The following ATRNL1 variants were observed in gnomAD, a reference collection of about 807,000 sequenced individuals.
ATRNL1 encodes the protein attractin-like protein 1.
A neutral mutation model predicts 182.7 loss-of-function variants in ATRNL1; 95 were observed. The ratio of observed to expected loss-of-function variants is 0.52; its 90% CI spans 0.44 to 0.62. The LOEUF (loss-of-function observed/expected upper bound fraction) is 0.62, where lower values mean the gene tolerates loss of function less well. Among genes scored for constraint, ATRNL1 ranks in the 20% least tolerant of loss-of-function variants. The probability of loss-of-function intolerance (pLI) is 0.00; values close to 1 mark genes in which losing one functional copy is unlikely to be tolerated. For missense variants in ATRNL1, 1,471 were observed against 1,679.5 expected (o/e 0.88, Z 2.17); for synonymous variants, 576 against 568.3 (o/e 1.01, Z -0.19).
At chr10:115,211,526 T>C (rs1849022626) in intron 8 of ATRNL1, among the ~76,000 whole-genome samples, 1 of 152,030 alleles carries the variant, frequency 6.6e-6, no homozygotes, top group South Asian at 2.1e-4. Context: ...TGGATATCTT[T>C]GGGTTTAACC....
At chr10:115,380,276 A>G (rs1165215128) in intron 19 of ATRNL1, among the ~76,000 whole-genome samples, 2 of 152,234 alleles carry the variant, frequency 1.3e-5, no homozygotes, top group Non-Finnish European at 2.9e-5. Flanking sequence ...GGTAATAATC[A>G]TAAGCAATTA....
chr10:115,850,208 A>G (rs1310897266), intron 28 of ATRNL1, among the ~76,000 whole-genome samples: 1 of 152,168 alleles, frequency 6.6e-6, no homozygotes, highest in Non-Finnish European at 1.5e-5. Flanking sequence ...TAATGGTAGG[A>G]TCTAGGTGCT....
At chr10:115,351,277 AC>A (rs1461170304) in intron 19 of ATRNL1, among the ~76,000 whole-genome samples, 1 of 152,120 alleles carries the variant, frequency 6.6e-6, no homozygotes, top group Non-Finnish European at 1.5e-5. Context: ...GACTTCCAGT[AC>A]TATGTCTAAT....
chr10:115,865,935 G>A (rs1481444214), intron 28 of ATRNL1, among the ~76,000 whole-genome samples: 1 of 151,962 alleles, frequency 6.6e-6, no homozygotes, highest in African/African-American at 2.4e-5. Context: ...CATGAGAATT[G>A]CCTTGTTTTT....
chr10:115,827,578 A>G (rs1950465101), intron 27 of ATRNL1, among the ~76,000 whole-genome samples: 1 of 152,202 alleles, frequency 6.6e-6, no homozygotes, highest in African/African-American at 2.4e-5. Context: ...TGAACACATT[A>G]CATAATGTGG....
intron 19 of ATRNL1, among the ~76,000 whole-genome samples, chr10:115,360,623 G>A (rs775455604): frequency 6.7e-6 from 1 of 150,356 alleles, no homozygotes; most frequent in Non-Finnish European, 1.5e-5. Flanking sequence ...CCGATTATTA[G>A]TTGTGTTCAT....
chr10:115,183,283 G>A (rs1314613423), intron 8 of ATRNL1, among the ~76,000 whole-genome samples: 4 of 151,242 alleles, frequency 2.6e-5, no homozygotes, highest in Non-Finnish European at 5.9e-5. Flanking sequence ...GAAAATAAAT[G>A]CACCACATTC....
intron 8 of ATRNL1, among the ~76,000 whole-genome samples, chr10:115,181,773 TTAA>T (rs1425599874): frequency 1.3e-5 from 2 of 151,748 alleles, no homozygotes; most frequent in African/African-American, 4.8e-5. Flanking sequence ...TTTATTACCT[TTAA>T]AGAAGGCATA....
At chr10:115,533,010 G>A (rs1189076661) in intron 25 of ATRNL1, among the ~76,000 whole-genome samples, 4 of 151,934 alleles carry the variant, frequency 2.6e-5, no homozygotes, top group Admixed American at 6.6e-5. Context: ...GCTGGATTCG[G>A]TTTGCCAGTA....
At chr10:115,885,640 C>CT (rs1951926732) in intron 28 of ATRNL1, among the ~76,000 whole-genome samples, 1 of 152,156 alleles carries the variant, frequency 6.6e-6, no homozygotes, top group African/African-American at 2.4e-5. Flanking sequence ...TCAATGTTAA[C>CT]TTTTTTCCGT....
chr10:115,775,174 AC>A (rs1392570727), intron 27 of ATRNL1, among the ~76,000 whole-genome samples: 1 of 152,140 alleles, frequency 6.6e-6, no homozygotes, highest in African/African-American at 2.4e-5. Flanking sequence ...TGAAATGTTT[AC>A]CCCCGAATGA....
chr10:115,208,557 T>C (rs1469233604), intron 8 of ATRNL1, among the ~76,000 whole-genome samples: 3 of 152,042 alleles, frequency 2.0e-5, no homozygotes, highest in African/African-American at 4.8e-5. Context: ...CAACTTTCAG[T>C]TTATTGCTCA....
chr10:115,523,680 C>G (rs1219875295), intron 25 of ATRNL1, among the ~76,000 whole-genome samples: 2 of 152,180 alleles, frequency 1.3e-5, no homozygotes, highest in African/African-American at 4.8e-5. Context: ...GTGATTTCCT[C>G]ATTTCAGTCT....
At chr10:115,656,493 T>C (rs535094141) in intron 26 of ATRNL1, among the ~76,000 whole-genome samples, 1 of 152,254 alleles carries the variant, frequency 6.6e-6, no homozygotes, top group East Asian at 1.9e-4. Context: ...TGAGTAAGTA[T>C]GGGTGTGTGT....
intron 21 of ATRNL1, among the ~76,000 whole-genome samples, chr10:115,432,618 G>T (rs1392237813): frequency 6.6e-6 from 1 of 152,080 alleles, no homozygotes; most frequent in Admixed American, 6.5e-5. Flanking sequence ...GTCAGCAGTT[G>T]TAATCTATTT....
chr10:115,617,360 T>A (rs564007739), intron 26 of ATRNL1, among the ~76,000 whole-genome samples: 1 of 114,976 alleles, frequency 8.7e-6, no homozygotes, highest in South Asian at 3.6e-4. Context: ...TTGGTTTTTT[T>A]TTGTTTTTTG....
Position 115,093,998 on chromosome 10 carries a change from C to T in ATRNL1, c.248C>T (p.Pro83Leu), listed in dbSNP as rs371156017. The T allele has an allele frequency of 7.0e-6, 11 of 1,580,388 alleles. No individual in the cohort carries two copies. In the East Asian group the frequency reaches 9.6e-5, roughly 14 times the overall value. The change falls in exon 1 of 29, where the codon CCG (proline) becomes CTG (leucine). Residue 83 changes from proline (P) to leucine (L), a missense_variant. Pro to Leu is a moderately conservative substitution (Grantham distance 98, BLOSUM62 -3). This residue lies in a region of ATRNL1 where 1,031 missense variants were observed against 1,156.0 expected (regional missense o/e 0.89). Coordinates refer to ENST00000355044, the MANE Select transcript of ATRNL1 (RefSeq NM_207303.4). The surrounding 1 kb of genome is among the most constrained non-coding windows in gnomAD (Gnocchi z 6.1). ...GTCAACTCCACCTGCCTCTGCGACCCGGGCTGGGTGGGGGACCAGTGCCAG... is the reference window on the plus strand; with the variant it reads ...GTCAACTCCACCTGCCTCTGCGACCTGGGCTGGGTGGGGGACCAGTGCCAG... ...RCVNSTCLCD[P>L]GWVGDQCQHC...
At chr10:115,217,490 C>A (rs531323166) in intron 9 of ATRNL1, among the ~76,000 whole-genome samples, 3 of 152,128 alleles carry the variant, frequency 2.0e-5, no homozygotes, top group Non-Finnish European at 4.4e-5. Context: ...TATAGCAATG[C>A]TCAGGTAAGA....
Position 115,265,189 on chromosome 10 carries a change from C to G in ATRNL1, c.1688-4C>G. 1.3e-6 allele frequency: 2 copies of G among 1,568,136 alleles called. No individual in the cohort carries two copies. Among genetic ancestry groups the G allele is most frequent in the South Asian group, 2.4e-5 (2 of 84,566 alleles). ...TTTTTGTTTTTCTGTTTTCTTTTTT[C>G]TAGCTTGTGATGAATGGAAAATACT... On this transcript the variant is annotated splice_region_variant and splice_polypyrimidine_tract_variant and intron_variant, in intron 10 of 28. Transcript: ENST00000355044.
Sources: gnomAD v4.1 joint callset for allele counts (sites outside exome capture counted in the v4.1 genomes callset) on GRCh38, gnomAD v4.1.1 for gene constraint, gnomAD v4.1.1 regional missense constraint, Gnocchi (gnomAD v3.1) non-coding constraint, MANE v1.5 for transcripts, NCBI Gene and HGNC (gene_info 2026-07-23, HGNC 2026-07-21) for gene names.